Variants in NPAS3 observed in about 807,000 individuals in gnomAD.
NPAS3 encodes neuronal PAS domain-containing protein 3.
A neutral mutation model predicts 73.1 loss-of-function variants in NPAS3; 14 were observed. The observed-to-expected ratio is 0.19, with a 90% CI of 0.13 to 0.30. NPAS3 has a LOEUF of 0.30. Among genes scored for constraint, NPAS3 ranks in the 10% least tolerant of loss-of-function variants. The pLI is 1.00. For missense variants in NPAS3, 1,096 were observed against 1,250.0 expected, an observed-to-expected ratio of 0.88 and a Z score of 1.86; for synonymous variants, 620 against 541.5, an observed-to-expected ratio of 1.14 and a Z score of -2.01.
At chr14:33,019,484 TA>T (rs57977791) in intron 1 of NPAS3, among the ~76,000 whole-genome samples, 2,585 of 152,120 alleles carry the variant, frequency 0.017, 65 homozygotes, top group African/African-American at 0.054. Flanking sequence ...CCTATGGCTT[TA>T]AAAAAAACCG....
intron 2 of NPAS3, among the ~76,000 whole-genome samples, chr14:33,208,610 T>C (rs922351749): frequency 9.2e-5 from 14 of 152,296 alleles, no homozygotes; most frequent in African/African-American, 3.1e-4. Context: ...CCGATGTTTT[T>C]TGACATTTTT....
chr14:33,109,593 T>C (rs1595466157), intron 2 of NPAS3, among the ~76,000 whole-genome samples: 1 of 152,112 alleles, frequency 6.6e-6, no homozygotes, highest in African/African-American at 2.4e-5. Flanking sequence ...ATTTTTCTAG[T>C]ATATATTCAG....
intron 1 of NPAS3, among the ~76,000 whole-genome samples, chr14:33,011,253 C>T (rs1046202819): frequency 1.3e-5 from 2 of 152,088 alleles, no homozygotes; most frequent in African/African-American, 4.8e-5. Flanking sequence ...TAATTTGTAT[C>T]CATTCATTTT....
At chr14:33,162,006 G>A (rs939555110) in intron 2 of NPAS3, among the ~76,000 whole-genome samples, 1 of 152,224 alleles carries the variant, frequency 6.6e-6, no homozygotes, top group African/African-American at 2.4e-5. Context: ...CTCCTCCAGG[G>A]ATGGGGCATA....
intron 4 of NPAS3, among the ~76,000 whole-genome samples, chr14:33,513,733 C>A (rs1194385293): frequency 6.6e-6 from 1 of 151,974 alleles, no homozygotes; most frequent in African/African-American, 2.4e-5. Context: ...GCTGAATGGG[C>A]AAGTGTTTTT....
intron 4 of NPAS3, among the ~76,000 whole-genome samples, chr14:33,489,838 G>A (rs955213584): frequency 3.9e-5 from 6 of 152,022 alleles, no homozygotes; most frequent in African/African-American, 1.4e-4. Context: ...TTTATGAGTC[G>A]GAGATTCAAA....
intron 2 of NPAS3, among the ~76,000 whole-genome samples, chr14:33,126,948 A>G (rs1182842615): frequency 6.6e-6 from 1 of 152,154 alleles, no homozygotes; most frequent in African/African-American, 2.4e-5. Context: ...TAAAATATAT[A>G]TCTCTCACTT....
chr14:33,329,263 T>G (rs1268329071), intron 3 of NPAS3, among the ~76,000 whole-genome samples: 3 of 152,158 alleles, frequency 2.0e-5, no homozygotes, highest in Non-Finnish European at 2.9e-5. Context: ...CTGGCTTTCA[T>G]GTAGCTGGAG....
At chr14:33,513,174 G>A (rs1455719066) in intron 4 of NPAS3, among the ~76,000 whole-genome samples, 1 of 152,034 alleles carries the variant, frequency 6.6e-6, no homozygotes, top group Non-Finnish European at 1.5e-5. Context: ...GACTAGGTAA[G>A]TATTTTTGTC....
At chr14:33,492,265 A>G (rs2051937932) in intron 4 of NPAS3, among the ~76,000 whole-genome samples, 1 of 152,100 alleles carries the variant, frequency 6.6e-6, no homozygotes, top group African/African-American at 2.4e-5. Context: ...CCTCTGAAAG[A>G]TTTTCATGTT....
chr14:33,618,870 G>A (rs962574416), intron 5 of NPAS3, among the ~76,000 whole-genome samples: 1 of 152,188 alleles, frequency 6.6e-6, no homozygotes, highest in African/African-American at 2.4e-5. Context: ...TTCCGCAGTT[G>A]AAGAAGGCTC....
At chr14:33,238,184 C>T (rs893858214) in intron 3 of NPAS3, among the ~76,000 whole-genome samples, 3 of 151,816 alleles carry the variant, frequency 2.0e-5, no homozygotes, top group South Asian at 2.1e-4. Context: ...TCACTAAGAT[C>T]GTAAACATAT....
intron 4 of NPAS3, among the ~76,000 whole-genome samples, chr14:33,512,644 T>C (rs2053112395): frequency 2.6e-5 from 4 of 152,062 alleles, no homozygotes; most frequent in Admixed American, 2.6e-4. Flanking sequence ...TGTGCCTCTG[T>C]GTGTACTAAG....
At chr14:33,764,653 C>T (rs2062403185) in intron 7 of NPAS3, among the ~76,000 whole-genome samples, 1 of 152,134 alleles carries the variant, frequency 6.6e-6, no homozygotes, top group Non-Finnish European at 1.5e-5. Flanking sequence ...GAAGAACTGC[C>T]TCTCTACCCT....
chr14:33,733,382 G>C (rs796982243), intron 6 of NPAS3, among the ~76,000 whole-genome samples: 3 of 151,886 alleles, frequency 2.0e-5, no homozygotes, highest in African/African-American at 7.2e-5. Flanking sequence ...TGGTTCTAAG[G>C]GTCTCTGATC....
At chr14:33,046,693 G>A (rs1412615166) in intron 1 of NPAS3, among the ~76,000 whole-genome samples, 2 of 152,122 alleles carry the variant, frequency 1.3e-5, no homozygotes, top group Admixed American at 6.6e-5. Flanking sequence ...AACCAGTTAA[G>A]AGCCGGGAGC....
At chr14:33,611,320 T>C (rs2057741477) in intron 5 of NPAS3, among the ~76,000 whole-genome samples, 1 of 152,262 alleles carries the variant, frequency 6.6e-6, no homozygotes, top group Non-Finnish European at 1.5e-5. Flanking sequence ...AGGAACACTA[T>C]GAGCCAAACA....
chr14:33,492,287 A>G (rs1250757690), intron 4 of NPAS3, among the ~76,000 whole-genome samples: 1 of 152,172 alleles, frequency 6.6e-6, no homozygotes, highest in Admixed American at 6.5e-5. Context: ...CTGTGATAAT[A>G]GGCACATCTG....
At chr14:33,223,784 C>T (rs575964351) in intron 3 of NPAS3, among the ~76,000 whole-genome samples, 1 of 151,970 alleles carries the variant, frequency 6.6e-6, no homozygotes, top group East Asian at 1.9e-4. Flanking sequence ...TACTTAATTC[C>T]CCTGTACATG....
Sources: allele counts gnomAD v4.1 joint callset (sites outside exome capture counted in the v4.1 genomes callset), GRCh38; gene constraint gnomAD v4.1.1; transcripts MANE v1.5; gene names NCBI Gene and HGNC (gene_info 2026-07-23, HGNC 2026-07-21).